ANKFN1: variants seen among roughly 807,000 people sequenced by gnomAD.
The protein encoded by ANKFN1 is ankyrin repeat and fibronectin type III domain containing 1.
ANKFN1 carries 74 observed loss-of-function variants against 108.7 expected under a neutral mutation model. The ratio of observed to expected loss-of-function variants is 0.68; its 90% confidence interval spans 0.56 to 0.83. The LOEUF (loss-of-function observed/expected upper bound fraction) is 0.83. Among genes scored for constraint, ANKFN1 ranks in the 40% least tolerant of loss-of-function variants. ANKFN1 has a pLI of 0.00. For missense variants in ANKFN1, 1,505 were observed against 1,382.3 expected (o/e 1.09, Z -1.41); for synonymous variants, 547 against 516.2 (o/e 1.06, Z -0.81).
At chr17:56,131,255 T>C (rs1375352220) in intron 4 of ANKFN1, among the ~76,000 whole-genome samples, 1 of 152,232 alleles carries the variant, frequency 6.6e-6, no homozygotes, top group Non-Finnish European at 1.5e-5. Context: ...TATTATTTTC[T>C]TTCTTATGTC....
chr17:56,303,211 A>G (rs1276425622), intron 3 of ANKFN1, among the ~76,000 whole-genome samples: 1 of 152,230 alleles, frequency 6.6e-6, no homozygotes, highest in African/African-American at 2.4e-5. Context: ...AGGTAAAATC[A>G]ACACAGTCCA....
intron 3 of ANKFN1, among the ~76,000 whole-genome samples, chr17:56,259,324 A>C (rs1043308145): frequency 6.6e-6 from 1 of 152,228 alleles, no homozygotes; most frequent in Non-Finnish European, 1.5e-5. Flanking sequence ...ACATCTGAAA[A>C]AGGAGAGTAG....
intron 6 of ANKFN1, among the ~76,000 whole-genome samples, chr17:56,365,018 A>G (rs1598465008): frequency 6.6e-6 from 1 of 152,178 alleles, no homozygotes; most frequent in East Asian, 1.9e-4. Context: ...CTGGTATAAG[A>G]GTTTTTGAAT....
intron 8 of ANKFN1, among the ~76,000 whole-genome samples, chr17:56,412,494 T>C (rs1350101072): frequency 6.6e-6 from 1 of 152,192 alleles, no homozygotes; most frequent in African/African-American, 2.4e-5. Context: ...CCTCACTCTG[T>C]GTGGGTACCA....
intron 2 of ANKFN1, among the ~76,000 whole-genome samples, chr17:56,218,805 A>G (rs1006156988): frequency 2.0e-5 from 3 of 152,244 alleles, no homozygotes; most frequent in Non-Finnish European, 4.4e-5. Context: ...AAGTTCTGAA[A>G]AAAGACTGCC....
intron 3 of ANKFN1, among the ~76,000 whole-genome samples, chr17:56,318,719 TG>T (rs747612741): frequency 1.3e-5 from 2 of 152,206 alleles, no homozygotes; most frequent in Non-Finnish European, 2.9e-5. Context: ...CCAGCCAATC[TG>T]TATTCTTTTA....
At chr17:56,180,901 A>C (rs1232901623) in intron 1 of ANKFN1, among the ~76,000 whole-genome samples, 1 of 152,196 alleles carries the variant, frequency 6.6e-6, no homozygotes, top group Non-Finnish European at 1.5e-5. Flanking sequence ...TTTACCTTGT[A>C]GCATCGAGGA....
intron 3 of ANKFN1, 55 bp from the exon 4 acceptor site, chr17:56,326,166 A>G (rs1275485327): frequency 2.6e-5 from 40 of 1,548,932 alleles, no homozygotes; most frequent in Non-Finnish European, 3.5e-5. Flanking sequence ...CTTCATGATC[A>G]TGGACTTCGG....
chr17:56,491,639 A>T (rs1788433359), intron 18 of ANKFN1, among the ~76,000 whole-genome samples: 1 of 152,182 alleles, frequency 6.6e-6, no homozygotes, highest in Non-Finnish European at 1.5e-5. Context: ...AGAAGCGGAG[A>T]GGCAGAAGAG....
In ANKFN1 at chr17:56,514,754, A is replaced by C. The variant is rs2051866840; in HGVS notation, c.*3485A>C. On this transcript the variant is annotated 3_prime_UTR_variant, in exon 21 of 21. Transcript: ENST00000682825. ...TTTCGCCAGTCCTCTTTCCTGAAGG[A>C]TCCCAAAGCACTTTATGAAAAGCAA... Among the ~76,000 whole-genome samples the C allele has an allele frequency of 6.6e-6, 1 of 152,208 alleles. No homozygotes were observed. Among genetic ancestry groups the C allele is most frequent in the Non-Finnish European group, 1.5e-5 (1 of 68,034 alleles).
intron 8 of ANKFN1, among the ~76,000 whole-genome samples, chr17:56,439,619 C>T (rs1211338232): frequency 6.6e-6 from 1 of 151,866 alleles, no homozygotes; most frequent in Non-Finnish European, 1.5e-5. Flanking sequence ...AAGAAGCTAT[C>T]AAGGAGAAGA....
At chr17:56,146,920 G>A (rs917016325) in intron 4 of ANKFN1, among the ~76,000 whole-genome samples, 1 of 152,142 alleles carries the variant, frequency 6.6e-6, no homozygotes, top group Non-Finnish European at 1.5e-5. Context: ...TCATCAGGCT[G>A]CAAATTTTCC....
At chr17:56,238,857 C>T (rs535521435) in intron 3 of ANKFN1, among the ~76,000 whole-genome samples, 3 of 152,156 alleles carry the variant, frequency 2.0e-5, no homozygotes, top group Non-Finnish European at 4.4e-5. Context: ...TCTAGCATAA[C>T]ACTGGTCCTT....
intron 4 of ANKFN1, among the ~76,000 whole-genome samples, chr17:56,119,454 G>C (rs1051234457): frequency 6.6e-6 from 1 of 152,162 alleles, no homozygotes; most frequent in Non-Finnish European, 1.5e-5. Context: ...TGGTAGGGTA[G>C]TGTGGGAGAG....
chr17:56,145,722 C>T (rs997163742), intron 4 of ANKFN1, among the ~76,000 whole-genome samples: 1 of 152,180 alleles, frequency 6.6e-6, no homozygotes, highest in Non-Finnish European at 1.5e-5. Context: ...CCTCCCAAAT[C>T]TCCTGTCCTC....
chr17:56,297,359 C>T (rs1370747464), intron 3 of ANKFN1, among the ~76,000 whole-genome samples: 1 of 152,154 alleles, frequency 6.6e-6, no homozygotes, highest in East Asian at 1.9e-4. Context: ...TTCTGTTGCT[C>T]ATTGCTGAGG....
intron 2 of ANKFN1, among the ~76,000 whole-genome samples, chr17:56,217,627 T>G (rs1047335488): frequency 2.6e-5 from 4 of 152,032 alleles, no homozygotes; most frequent in African/African-American, 9.7e-5. Flanking sequence ...CAACACAGAA[T>G]CAATCAGGCC....
intron 14 of ANKFN1, among the ~76,000 whole-genome samples, chr17:56,460,870 T>C (rs1356191590): frequency 1.3e-5 from 2 of 152,174 alleles, no homozygotes; most frequent in Non-Finnish European, 2.9e-5. Flanking sequence ...TTGGAAGAGT[T>C]ACCTACATCC....
intron 15 of ANKFN1, among the ~76,000 whole-genome samples, chr17:56,469,398 A>G (rs2050239207): frequency 2.0e-5 from 3 of 152,262 alleles, no homozygotes; most frequent in Admixed American, 2.0e-4. Flanking sequence ...AAAGGGAGAG[A>G]TAGGTCTTGG....
Sources: allele counts gnomAD v4.1 joint callset (sites outside exome capture counted in the v4.1 genomes callset), GRCh38; gene constraint gnomAD v4.1.1; transcripts MANE v1.5; gene names NCBI Gene and HGNC (gene_info 2026-07-23, HGNC 2026-07-21).